Variants in PCCA observed in about 807,000 individuals in gnomAD.
PCCA encodes propionyl-CoA carboxylase alpha chain, mitochondrial.
Under a neutral mutation model 101.3 loss-of-function variants are expected in PCCA, and 74 were observed. That is an observed-to-expected ratio of 0.73 (90% CI 0.61 to 0.89). PCCA has a LOEUF of 0.89. PCCA is among the 40% of genes least tolerant of loss of function. PCCA has a pLI of 0.00. For missense variants in PCCA, 891 were observed against 907.0 expected, an observed-to-expected ratio of 0.98 and a Z score of 0.23; for synonymous variants, 294 against 313.6, an observed-to-expected ratio of 0.94 and a Z score of 0.66.
At chr13:100,098,673 C>A (rs747066110) in intron 1 of PCCA, among the ~76,000 whole-genome samples, 1 of 152,042 alleles carries the variant, frequency 6.6e-6, no homozygotes, top group Non-Finnish European at 1.5e-5. Context: ...AATGGCCTGG[C>A]GGAAGAGTCA....
chr13:100,422,171 C>T lies in PCCA; in HGVS notation c.1747-3462C>T, dbSNP rs533467226. ...TTTTTTTGACAGCATTTTGCTCTGT[C>T]GTCCAGCCTGGAGTGCAGTGGCAAA... is the stretch of plus-strand genomic sequence containing the variant. On this transcript the variant is annotated intron_variant, in intron 19 of 23. Transcript: ENST00000376285. Among the ~76,000 whole-genome samples, 13 of 118,468 alleles carry T rather than the reference C, an allele frequency of 1.1e-4. 1 individual carries two copies. In the South Asian group the frequency reaches 3.5e-3, roughly 32 times the overall value. The allele number at this position is 118,468 out of a possible 152,430, so 77.7% of individuals were successfully genotyped here.
chr13:100,452,341 G>A (rs1452527959), intron 21 of PCCA, among the ~76,000 whole-genome samples: 1 of 151,936 alleles, frequency 6.6e-6, no homozygotes, highest in Non-Finnish European at 1.5e-5. Context: ...GCAGTAGCTG[G>A]CGTCCACCTC....
chr13:100,342,226 A>G (rs1204958583), intron 18 of PCCA, among the ~76,000 whole-genome samples: 1 of 151,874 alleles, frequency 6.6e-6, no homozygotes, highest in Admixed American at 6.6e-5. Flanking sequence ...TTTAAGGTAA[A>G]ATATACAAAC....
Position 100,527,369 on chromosome 13 carries a change from C to T in PCCA, c.2041-306C>T, listed in dbSNP as rs528329547. On this transcript the variant is annotated intron_variant, in intron 22 of 23. Transcript: ENST00000376285. ...GGTAAGTGGAAAACATTCCAATTTC[C>T]GAACACCTCTGTTAGTGGCAGAGCC... 2.5e-5 allele frequency: 13 copies of T among 511,122 alleles called. No individual in the cohort carries two copies. The East Asian group carries it at 3.3e-4, about 13-fold the overall frequency. 31.7% of individuals were successfully genotyped at this position (511,122 alleles called of 1,614,324 possible).
At chr13:100,472,078 C>T (rs1216148852) in intron 21 of PCCA, among the ~76,000 whole-genome samples, 5 of 152,106 alleles carry the variant, frequency 3.3e-5, no homozygotes, top group African/African-American at 1.2e-4. Context: ...AATACAAGGG[C>T]TTTTATATAC....
chr13:100,307,801 T>C (rs1319667867), intron 15 of PCCA, among the ~76,000 whole-genome samples: 2 of 152,238 alleles, frequency 1.3e-5, no homozygotes, highest in African/African-American at 4.8e-5. Context: ...CTTTAAACCC[T>C]TAAAACCGTA....
chr13:100,291,053 T>C (rs2065078079), intron 12 of PCCA, among the ~76,000 whole-genome samples: 1 of 152,230 alleles, frequency 6.6e-6, no homozygotes, highest in African/African-American at 2.4e-5. Context: ...AAGCACAATA[T>C]AGTATAACAA....
At chr13:100,527,915 G>T (rs2087987409) in intron 23 of PCCA, among the ~76,000 whole-genome samples, 163 bp downstream of exon 23, 1 of 152,198 alleles carries the variant, frequency 6.6e-6, no homozygotes, top group Admixed American at 6.5e-5. Context: ...ATTCTGCCCT[G>T]ATGCATCCCT....
rs370530550 is a variant in PCCA, at chr13:100,370,919, G to T, written c.1746+2345G>T. Among the ~76,000 whole-genome samples, 11 of 152,258 alleles carry T rather than the reference G, an allele frequency of 7.2e-5. No homozygotes were observed. The South Asian group carries it at 2.1e-3, about 29-fold the overall frequency. On this transcript the variant is annotated intron_variant, in intron 19 of 23. Coordinates refer to ENST00000376285, the MANE Select transcript of PCCA (RefSeq NM_000282.4). The stretch of plus-strand genomic sequence containing the variant: ...CCAGGTCTGGGTTAATGACTCTGGA[G>T]ATAGTGCAGGCAAAGGCTTTACTGA...
rs993980009 is a variant in PCCA, at chr13:100,394,981, C to T, written c.1746+26407C>T. 3.3e-5 allele frequency among the ~76,000 whole-genome samples: 5 copies of T among 152,072 alleles called. No homozygotes were observed. Among genetic ancestry groups the T allele is most frequent in the African/African-American group, 9.7e-5 (4 of 41,386 alleles). On this transcript the variant is annotated intron_variant, in intron 19 of 23. Coordinates refer to ENST00000376285, the MANE Select transcript of PCCA (RefSeq NM_000282.4). This position sits in a 1 kb window ranked among gnomAD's most constrained non-coding sequence, Gnocchi z 4.3. The stretch of plus-strand genomic sequence containing the variant: ...GGGGTTGTGATCTCTCCCAGAATCC[C>T]GTTCATGCATTGTGTTTAGGATGAA...
chr13:100,505,198 G>A (rs1199278729), intron 21 of PCCA, among the ~76,000 whole-genome samples: 1 of 152,162 alleles, frequency 6.6e-6, no homozygotes, highest in Non-Finnish European at 1.5e-5. Flanking sequence ...TTTATATTGT[G>A]TCATTCATGA....
At chr13:100,276,855 A>G (rs1196678150) in intron 12 of PCCA, among the ~76,000 whole-genome samples, 1 of 152,206 alleles carries the variant, frequency 6.6e-6, no homozygotes, top group African/African-American at 2.4e-5. Flanking sequence ...TACATGTCTG[A>G]TAATGTTGAC....
intron 19 of PCCA, among the ~76,000 whole-genome samples, chr13:100,372,062 A>G (rs2075607399): frequency 1.3e-5 from 2 of 152,196 alleles, no homozygotes; most frequent in Non-Finnish European, 2.9e-5. Flanking sequence ...ACACAGGGGA[A>G]GGCTGCGCAC....
At chr13:100,395,621 T>G (rs2077007303) in intron 19 of PCCA, among the ~76,000 whole-genome samples, 2 of 152,206 alleles carry the variant, frequency 1.3e-5, no homozygotes. Context: ...AATATTTTAT[T>G]ACATTTGTGT....
intron 20 of PCCA, among the ~76,000 whole-genome samples, chr13:100,427,306 T>C (rs1172278498): frequency 6.6e-6 from 1 of 152,248 alleles, no homozygotes; most frequent in African/African-American, 2.4e-5. Context: ...ATCGAATATG[T>C]TATGGCTCAA....
intron 19 of PCCA, among the ~76,000 whole-genome samples, chr13:100,391,622 T>C (rs1279815635): frequency 3.3e-5 from 5 of 152,164 alleles, no homozygotes; most frequent in Admixed American, 6.5e-5. Flanking sequence ...GAGGTGGAGA[T>C]AGGCAGATCC....
intron 12 of PCCA, among the ~76,000 whole-genome samples, chr13:100,297,540 A>G (rs2065653215): frequency 6.6e-6 from 1 of 152,220 alleles, no homozygotes; most frequent in South Asian, 2.1e-4. Context: ...AAGCTTGGTT[A>G]TATTTTGGGA....
At chr13:100,431,557 A>G (rs2079549305) in intron 20 of PCCA, among the ~76,000 whole-genome samples, 1 of 152,238 alleles carries the variant, frequency 6.6e-6, no homozygotes, top group African/African-American at 2.4e-5. Context: ...AAAGTTAACT[A>G]CTTAATCCTC....
At chr13:100,524,875 G>A (rs1368535830) in intron 22 of PCCA, among the ~76,000 whole-genome samples, 1 of 152,066 alleles carries the variant, frequency 6.6e-6, no homozygotes, top group African/African-American at 2.4e-5. Context: ...CTGTCTCTAA[G>A]ATAGATAGAT....
Sources: gnomAD v4.1 joint callset for allele counts (sites outside exome capture counted in the v4.1 genomes callset) on GRCh38, gnomAD v4.1.1 for gene constraint, Gnocchi (gnomAD v3.1) non-coding constraint, MANE v1.5 for transcripts, NCBI Gene and HGNC (gene_info 2026-07-23, HGNC 2026-07-21) for gene names.